Variants in GOLGA4 observed in about 807,000 individuals in gnomAD.
GOLGA4 encodes golgin subfamily A member 4.
A neutral mutation model predicts 265.9 loss-of-function variants in GOLGA4; 169 were observed. That is an observed-to-expected ratio of 0.64 (90% confidence interval 0.56 to 0.72). The LOEUF (loss-of-function observed/expected upper bound fraction) is 0.72. GOLGA4 is among the 30% of genes least tolerant of loss of function. GOLGA4 has a pLI of 0.00. For synonymous variants in GOLGA4, 923 were observed against 855.8 expected (o/e 1.08, Z -1.37); for missense variants, 2,482 against 2,483.4 (o/e 1.00, Z 0.01).
intron 14 of GOLGA4, 134 bp from the exon 15 acceptor site, chr3:37,328,282 T>A (rs1224602262): frequency 5.3e-4 from 105 of 199,130 alleles, no homozygotes; most frequent in Non-Finnish European, 8.9e-4. Flanking sequence ...ACTCTCACAC[T>A]CTCTCTCTCT....
Position 37,366,370 on chromosome 3 carries a change from CCT to C in GOLGA4, c.*325_*326del. 2.7e-6 allele frequency: 1 copy of C among 371,790 alleles called. No individual in the cohort carries two copies. Among genetic ancestry groups the C allele is most frequent in the South Asian group, 1.4e-4 (1 of 6,968 alleles). 23.0% of individuals were successfully genotyped at this position (371,790 alleles called of 1,614,324 possible). A position where few individuals can be genotyped will look rare whatever the true frequency, so the allele number is the denominator to read the frequency against. On this transcript the variant is annotated 3_prime_UTR_variant, in exon 24 of 24. Transcript: ENST00000361924. ...CTGCTTTATGGGCTTACATAATATT[CCT>C]TTCATCCATTCTTTTTAAAGAACGG...
chr3:37,362,237 A>ATTT (rs1264069172), intron 23 of GOLGA4, among the ~76,000 whole-genome samples: 1 of 54,388 alleles, frequency 1.8e-5, no homozygotes, highest in Non-Finnish European at 5.0e-5. Flanking sequence ...TTATTTATTT[A>ATTT]TTATTTTTTT....
In GOLGA4 at chr3:37,276,523, A is replaced by G. The variant is rs577408882; in HGVS notation, c.163-5435A>G. The G allele has an allele frequency of 3.9e-5, 63 of 1,605,150 alleles. No homozygotes were observed. The Admixed American group carries it at 8.2e-4, about 21-fold the overall frequency. On this transcript the variant is annotated intron_variant, in intron 2 of 23. Transcript: ENST00000361924. ...AGAATTGCACTTACACACAGGTACA[A>G]ACCCGTAGTGCTGATGAACCAGTGA...
intron 2 of GOLGA4, among the ~76,000 whole-genome samples, chr3:37,280,820 A>G (rs1176171052): frequency 6.6e-6 from 1 of 152,142 alleles, no homozygotes; most frequent in Non-Finnish European, 1.5e-5. Flanking sequence ...TTACTCTTTT[A>G]AACCACCTGT....
intron 7 of GOLGA4, 73 bp from the exon 8 acceptor site, chr3:37,298,760 C>T: frequency 1.0e-6 from 1 of 956,402 alleles, no homozygotes. Context: ...CTTTGACTGT[C>T]TCAGTCATAA....
intron 16 of GOLGA4, among the ~76,000 whole-genome samples, chr3:37,331,530 C>A (rs1415104638): frequency 6.6e-6 from 1 of 152,170 alleles, no homozygotes; most frequent in Non-Finnish European, 1.5e-5. Context: ...CTATGATTCT[C>A]CCATTTAAAA....
intron 10 of GOLGA4, among the ~76,000 whole-genome samples, chr3:37,314,020 AG>A (rs2096930340): frequency 6.7e-6 from 1 of 149,984 alleles, no homozygotes; most frequent in African/African-American, 2.5e-5. Flanking sequence ...GCTGGAGTGC[AG>A]TGGCACCATC....
Position 37,361,384 on chromosome 3 carries a change from C to A in GOLGA4, c.*33+79C>A, listed in dbSNP as rs956488171. 4 of 945,116 alleles carry A rather than the reference C, an allele frequency of 4.2e-6. No homozygotes were observed. In the African/African-American group the frequency reaches 6.6e-5, roughly 16 times the overall value. The allele number at this position is 945,116 out of a possible 1,614,324, so 58.5% of individuals were successfully genotyped here. On this transcript the variant is annotated intron_variant, in intron 23 of 23. Transcript: ENST00000361924. ...TGATACTAACCATTTTGCTGGAATT[C>A]TTTTGCTCTTGTTTAATAAATATAT...
At chr3:37,360,590 A>C (rs1199781484) in intron 22 of GOLGA4, among the ~76,000 whole-genome samples, 1 of 152,192 alleles carries the variant, frequency 6.6e-6, no homozygotes, top group Non-Finnish European at 1.5e-5. Context: ...AATCACCGTG[A>C]AGGTAATTAA....
intron 12 of GOLGA4, 63 bp downstream of exon 12, chr3:37,319,257 C>T: frequency 7.5e-7 from 1 of 1,329,788 alleles, no homozygotes; most frequent in East Asian, 2.4e-5. Context: ...AGTTATCATC[C>T]TCTCACTGTT....
intron 19 of GOLGA4, 106 bp from the exon 20 acceptor site, chr3:37,340,018 A>G (rs552543887): frequency 3.7e-6 from 2 of 541,820 alleles, no homozygotes; most frequent in East Asian, 6.5e-5. Flanking sequence ...ATTTGCCTAT[A>G]TTCTGTCTTC....
Position 37,326,490 on chromosome 3 carries a change from C to G in GOLGA4, c.4604C>G (p.Thr1535Ser). Residue 1535 changes from threonine to serine, a missense_variant, in exon 14 of 24, where the codon ACC (threonine) becomes AGC (serine). Physicochemically the swap from Thr to Ser is moderately conservative, Grantham distance 58. Transcript: ENST00000361924. ...ATTATGGAATTAGAGGACCATATTA[C>G]CCAGAAAACTATTGAAATAGAGTCC... ...ARIMELEDHI[T>S]QKTIEIESLN... 6.2e-7 allele frequency: 1 copy of G among 1,607,750 alleles called. No homozygotes were observed. The highest frequency in any genetic ancestry group is 8.5e-7 in the Non-Finnish European group (1 of 1,177,280).
At chr3:37,365,071 A>G (rs1696645007) in intron 23 of GOLGA4, among the ~76,000 whole-genome samples, 1 of 151,474 alleles carries the variant, frequency 6.6e-6, no homozygotes, top group South Asian at 2.1e-4. Context: ...AATTTTTTCT[A>G]TTTTTTGTAG....
chr3:37,363,723 T>C (rs1199289059), intron 23 of GOLGA4, among the ~76,000 whole-genome samples: 3 of 152,242 alleles, frequency 2.0e-5, no homozygotes, highest in Non-Finnish European at 4.4e-5. Flanking sequence ...TAGCTAATAC[T>C]AATATATAGT....
At position 37,251,468 on chromosome 3, in the gene GOLGA4, G is replaced by A; in HGVS notation, c.146G>A (p.Gly49Asp). The A allele has an allele frequency of 6.2e-7, 1 of 1,603,210 alleles. No individual in the cohort carries two copies. Among genetic ancestry groups the A allele is most frequent in the African/African-American group, 1.3e-5 (1 of 74,806 alleles). Residue 49 changes from glycine (G) to aspartate (D), a missense_variant, in exon 2 of 24, where the codon GGT becomes GAT. Gly to Asp is a moderately conservative substitution (Grantham distance 94, BLOSUM62 -1). This residue lies in a region of GOLGA4 where 1,536 missense variants were observed against 1,483.7 expected (regional missense o/e 1.04). Transcript: ENST00000361924. The stretch of plus-strand genomic sequence containing the variant: ...TCATTTACAGAGCAACTTGATGAAG[G>A]TACACCCAATAGAGAGGTAAGTTTG... ...TSSFTEQLDE[G>D]TPNRESGDTQ...
chr3:37,295,164 GTTTTTT>G, intron 6 of GOLGA4, 87 bp downstream of exon 6: 2 of 703,332 alleles, frequency 2.8e-6, no homozygotes, highest in Non-Finnish European at 4.6e-6. Flanking sequence ...GGTTGCAAAA[GTTTTTT>G]CTTTTTTAAG....
Position 37,298,815 on chromosome 3 carries a change from A to G in GOLGA4, c.815-18A>G. On this transcript the variant is annotated intron_variant, in intron 7 of 23. Coordinates refer to ENST00000361924, the MANE Select transcript of GOLGA4 (RefSeq NM_002078.5). ...TATTCCTTACTGATGGGCCCTTCTT[A>G]TGTTGCTTTATTGTTAGTGGAAGAT... 2 of 1,574,856 alleles carry G rather than the reference A, an allele frequency of 1.3e-6. No individual in the cohort carries two copies. The highest frequency in any genetic ancestry group is 2.7e-5 in the African/African-American group (2 of 73,218).
chr3:37,296,944 A>G (rs1158339486), intron 7 of GOLGA4, among the ~76,000 whole-genome samples: 1 of 152,114 alleles, frequency 6.6e-6, no homozygotes, highest in Non-Finnish European at 1.5e-5. Flanking sequence ...AAATTCATTT[A>G]TTATGCTACA....
Position 37,325,263 on chromosome 3 carries a change from C to T in GOLGA4, c.3377C>T (p.Ala1126Val), listed in dbSNP as rs1472502218. Residue 1126 changes from alanine (A) to valine (V), a missense_variant, in exon 14 of 24, where the codon GCA (alanine) becomes GTA (valine). Around this residue, in one of 3 missense-constraint regions of GOLGA4, gnomAD observed 1,536 missense variants for 1,483.7 expected, o/e 1.04. Transcript: ENST00000361924. ...AAGTCTGCCCATGTGAATTCTCTTG[C>T]ACAAGATGAAACTAAACTGAAAGCT... ...KQKSAHVNSLAQDETKLKAHL... is the reference protein window; with the variant it reads ...KQKSAHVNSLVQDETKLKAHL... The T allele has an allele frequency of 3.2e-5, 51 of 1,613,206 alleles. No homozygotes were observed. Among genetic ancestry groups the T allele is most frequent in the Non-Finnish European group, 4.2e-5 (50 of 1,179,598 alleles).
Sources: gnomAD v4.1 joint callset for allele counts (sites outside exome capture counted in the v4.1 genomes callset) on GRCh38, gnomAD v4.1.1 for gene constraint, gnomAD v4.1.1 regional missense constraint, MANE v1.5 for transcripts, NCBI Gene and HGNC (gene_info 2026-07-23, HGNC 2026-07-21) for gene names.